The following PCMTD1 variants were observed in gnomAD, a reference collection of about 807,000 sequenced individuals.
PCMTD1 encodes the protein protein-L-isoaspartate O-methyltransferase domain-containing protein 1.
Under a neutral mutation model 37.6 loss-of-function variants are expected in PCMTD1, and 12 were observed. The ratio of observed to expected loss-of-function variants is 0.32; its 90% confidence interval spans 0.20 to 0.52. The LOEUF is 0.52. Among genes scored for constraint, PCMTD1 ranks in the 20% least tolerant of loss-of-function variants. PCMTD1 has a pLI of 0.97. For synonymous variants in PCMTD1, 117 were observed against 135.8 expected, an observed-to-expected ratio of 0.86 and a Z score of 0.96; for missense variants, 235 against 421.3, an observed-to-expected ratio of 0.56 and a Z score of 3.87.
At chr8:51,886,518 C>T (rs955763765) in intron 1 of PCMTD1, among the ~76,000 whole-genome samples, 7 of 152,268 alleles carry the variant, frequency 4.6e-5, no homozygotes, top group South Asian at 2.1e-4. Context: ...GCCCAGTATA[C>T]AACTTTTATC....
intron 1 of PCMTD1, among the ~76,000 whole-genome samples, chr8:51,863,819 C>T (rs981469234): frequency 3.3e-5 from 5 of 151,372 alleles, no homozygotes; most frequent in South Asian, 4.2e-4. Flanking sequence ...CCCAGCTACT[C>T]GGGAAGCTGA....
At chr8:51,868,953 G>C (rs540681835) in intron 1 of PCMTD1, among the ~76,000 whole-genome samples, 2 of 152,088 alleles carry the variant, frequency 1.3e-5, no homozygotes, top group South Asian at 4.2e-4. Flanking sequence ...GTATTATACT[G>C]TATATATTGT....
intron 2 of PCMTD1, among the ~76,000 whole-genome samples, chr8:51,854,273 T>C (rs2038350530): frequency 6.6e-6 from 1 of 152,092 alleles, no homozygotes. Context: ...ATATTATCCA[T>C]AAACACAAAA....
At chr8:51,898,024 G>A (rs1258410591) in intron 1 of PCMTD1, among the ~76,000 whole-genome samples, 2 of 152,038 alleles carry the variant, frequency 1.3e-5, no homozygotes, top group African/African-American at 4.8e-5. Flanking sequence ...TGGGGGGAAG[G>A]GCGCGAGAGA....
chr8:51,827,437 A>C (rs2037936839), intron 5 of PCMTD1: 1 of 468,130 alleles, frequency 2.1e-6, no homozygotes, highest in Non-Finnish European at 4.0e-6. Context: ...TGAGTAGTGT[A>C]GTATAATTGC....
intron 4 of PCMTD1, among the ~76,000 whole-genome samples, chr8:51,832,346 T>C (rs2038009702): frequency 6.6e-6 from 1 of 152,230 alleles, no homozygotes; most frequent in South Asian, 2.1e-4. Flanking sequence ...CATGAACTTT[T>C]AAAAATGAAT....
At chr8:51,864,563 G>A (rs2038522896) in intron 1 of PCMTD1, among the ~76,000 whole-genome samples, 1 of 152,088 alleles carries the variant, frequency 6.6e-6, no homozygotes, top group South Asian at 2.1e-4. Context: ...AGTAACAGGA[G>A]GACTTTTGGG....
At chr8:51,825,924 C>G (rs990526334) in intron 5 of PCMTD1, among the ~76,000 whole-genome samples, 3 of 133,984 alleles carry the variant, frequency 2.2e-5, no homozygotes, top group African/African-American at 7.6e-5. Context: ...ATTAGTTCAA[C>G]CATTGTTCAA....
chr8:51,824,185 A>C (rs1563334284), intron 5 of PCMTD1, among the ~76,000 whole-genome samples: 2 of 152,246 alleles, frequency 1.3e-5, no homozygotes, highest in Non-Finnish European at 2.9e-5. Flanking sequence ...TAGTATTGGA[A>C]GTTCTGGCCA....
At chr8:51,861,776 C>G (rs756801388) in intron 1 of PCMTD1, among the ~76,000 whole-genome samples, 13 of 151,106 alleles carry the variant, frequency 8.6e-5, no homozygotes, top group Non-Finnish European at 1.3e-4. Flanking sequence ...GGCTGGAGTA[C>G]AGTGGTATGA....
intron 4 of PCMTD1, 103 bp downstream of exon 4, chr8:51,833,415 T>A: frequency 1.1e-6 from 1 of 918,840 alleles, no homozygotes; most frequent in African/African-American, 1.7e-5. Context: ...AAGTAATTTT[T>A]TCTTTAAAAG....
chr8:51,838,853 G>A (rs751805279), intron 3 of PCMTD1, among the ~76,000 whole-genome samples: 4 of 151,814 alleles, frequency 2.6e-5, no homozygotes, highest in Non-Finnish European at 4.4e-5. Context: ...TACACACATA[G>A]GTTAAAAATG....
rs1228438639 is a variant in PCMTD1 at position 51,845,708 on chromosome 8, G to C, written c.363C>G (p.Ala121=). 4 of 1,612,736 alleles carry C rather than the reference G, an allele frequency of 2.5e-6. No homozygotes were observed. The highest frequency in any genetic ancestry group is 1.1e-5 in the South Asian group (1 of 91,056). Residue 121 remains alanine, a synonymous_variant, in exon 3 of 6, where the codon GCC becomes GCG. Coordinates refer to ENST00000522514, the MANE Select transcript of PCMTD1 (RefSeq NM_052937.4). Reference sequence around the variant, plus strand: ...TGATGAAGCTCTCCAGTTTTTCCTTGGCATATTCCACCACATCTGAATGAA... The same window carrying C: ...TGATGAAGCTCTCCAGTTTTTCCTTCGCATATTCCACCACATCTGAATGAA... The part of the protein sequence containing the change: ...IELHSDVVEY[A]KEKLESFIKN...
intron 3 of PCMTD1, chr8:51,844,924 C>A (rs1285066698): frequency 6.6e-6 from 1 of 152,132 alleles, no homozygotes; most frequent in African/African-American, 2.4e-5. Context: ...GTTTTCTATC[C>A]TTTTTAACAC....
At chr8:51,862,264 G>A (rs764174596) in intron 1 of PCMTD1, among the ~76,000 whole-genome samples, 3 of 152,054 alleles carry the variant, frequency 2.0e-5, no homozygotes, top group Non-Finnish European at 4.4e-5. Flanking sequence ...CTTGTGTGCT[G>A]ATTGTTTTGT....
intron 2 of PCMTD1, among the ~76,000 whole-genome samples, chr8:51,856,618 G>T (rs2038394022): frequency 6.6e-6 from 1 of 152,198 alleles, no homozygotes; most frequent in Non-Finnish European, 1.5e-5. Flanking sequence ...ATTAACTGGT[G>T]AATGGATAAA....
intron 3 of PCMTD1, among the ~76,000 whole-genome samples, chr8:51,836,081 CCTA>C (rs1398413393): frequency 1.3e-5 from 2 of 152,094 alleles, no homozygotes; most frequent in African/African-American, 2.4e-5. Context: ...ATCGAACAAT[CCTA>C]CTAATTGAAA....
intron 2 of PCMTD1, among the ~76,000 whole-genome samples, chr8:51,856,764 T>C (rs1482710847): frequency 6.6e-6 from 1 of 152,186 alleles, no homozygotes; most frequent in Non-Finnish European, 1.5e-5. Flanking sequence ...GAAGACCATA[T>C]ATTGTTATGA....
intron 1 of PCMTD1, among the ~76,000 whole-genome samples, chr8:51,864,624 G>A (rs938139619): frequency 1.8e-4 from 27 of 151,994 alleles, no homozygotes; most frequent in African/African-American, 6.3e-4. Flanking sequence ...AAACCAATTG[G>A]TCAAAGAAAT....
Sources: gnomAD v4.1 joint callset for allele counts (sites outside exome capture counted in the v4.1 genomes callset) on GRCh38, gnomAD v4.1.1 for gene constraint, MANE v1.5 for transcripts, NCBI Gene and HGNC (gene_info 2026-07-23, HGNC 2026-07-21) for gene names.